TENM4: variants seen among roughly 807,000 people sequenced by gnomAD.
TENM4 encodes the protein teneurin-4.
TENM4 carries 82 observed loss-of-function variants against 243.3 expected under a neutral mutation model. The observed-to-expected ratio is 0.34, with a 90% CI of 0.28 to 0.40. The LOEUF (loss-of-function observed/expected upper bound fraction) is 0.40, where lower values mean the gene tolerates loss of function less well. TENM4 is among the 10% of genes least tolerant of loss of function. The pLI is 1.00. For synonymous variants in TENM4, 1,412 were observed against 1,456.3 expected, an observed-to-expected ratio of 0.97 and a Z score of 0.69; for missense variants, 3,138 against 3,673.3, an observed-to-expected ratio of 0.85 and a Z score of 3.77.
chr11:79,009,735 T>A (rs1858593186), intron 6 of TENM4, among the ~76,000 whole-genome samples: 1 of 152,074 alleles, frequency 6.6e-6, no homozygotes, highest in South Asian at 2.1e-4. Context: ...TTGGGGAAAG[T>A]TAGTGGCAGG....
chr11:78,677,249 C>CTTTTT (rs67423363), intron 29 of TENM4, among the ~76,000 whole-genome samples: 1 of 137,110 alleles, frequency 7.3e-6, no homozygotes, highest in Non-Finnish European at 1.5e-5. Flanking sequence ...AAGGGTTGAA[C>CTTTTT]TTTTTTTTTT....
chr11:79,255,045 T>A (rs1050271701), intron 2 of TENM4, among the ~76,000 whole-genome samples: 1 of 152,106 alleles, frequency 6.6e-6, no homozygotes, highest in African/African-American at 2.4e-5. Flanking sequence ...AGGGTCCCAC[T>A]GGGCTTGTGG....
chr11:79,315,419 C>T (rs549436525), intron 1 of TENM4, among the ~76,000 whole-genome samples: 64 of 152,354 alleles, frequency 4.2e-4, no homozygotes, highest in African/African-American at 1.5e-3. Flanking sequence ...TTTGCTTCCT[C>T]ATCAACTGTT....
chr11:79,315,323 T>TTCACCGCTCAAGACCAGAAGG (rs1254318392), intron 1 of TENM4, among the ~76,000 whole-genome samples: 1 of 152,046 alleles, frequency 6.6e-6, no homozygotes, highest in African/African-American at 2.4e-5. Context: ...CTCCCAGAGG[T>TTCACCGCTCAAGACCAGAAGG]TCACCGCTCA....
intron 1 of TENM4, among the ~76,000 whole-genome samples, chr11:79,322,861 T>C (rs1856914257): frequency 6.6e-6 from 1 of 152,220 alleles, no homozygotes; most frequent in Non-Finnish European, 1.5e-5. Flanking sequence ...AGATACAATT[T>C]CTCTTGAGAA....
At chr11:79,260,572 A>G (rs1453205269) in intron 2 of TENM4, among the ~76,000 whole-genome samples, 2 of 152,208 alleles carry the variant, frequency 1.3e-5, no homozygotes, top group Non-Finnish European at 2.9e-5. Flanking sequence ...TTTTCTGACC[A>G]GAGAACTCTT....
chr11:78,765,719 C>A (rs529669821), intron 18 of TENM4, among the ~76,000 whole-genome samples: 1 of 152,154 alleles, frequency 6.6e-6, no homozygotes, highest in Non-Finnish European at 1.5e-5. Flanking sequence ...GTTCTCTGAG[C>A]CTTAGTTTCC....
chr11:79,219,968 C>G (rs934529274), intron 2 of TENM4, among the ~76,000 whole-genome samples: 5 of 152,246 alleles, frequency 3.3e-5, no homozygotes, highest in Non-Finnish European at 5.9e-5. Context: ...CCACCCTCCT[C>G]TCTGGCAAGG....
At chr11:78,885,956 G>A (rs1387533026) in intron 9 of TENM4, among the ~76,000 whole-genome samples, 1 of 152,080 alleles carries the variant, frequency 6.6e-6, no homozygotes, top group Non-Finnish European at 1.5e-5. Flanking sequence ...CAAACTAAAT[G>A]TCAAATGAAT....
rs187652342 is a variant in TENM4 at position 78,770,163 on chromosome 11, G to A, written c.2539+829C>T. 6.0e-4 allele frequency among the ~76,000 whole-genome samples: 92 copies of A among 152,302 alleles called. 1 individual carries two copies. The highest frequency in any genetic ancestry group is 2.1e-3 in the African/African-American group (88 of 41,556). The stretch of plus-strand genomic sequence containing the variant: ...ATTCTCCTAATAACCACCTGTGAGT[G>A]GGAGAATCAGGAAGGATTGATGTAT... On this transcript the variant is annotated intron_variant, in intron 18 of 33. Coordinates refer to ENST00000278550, the MANE Select transcript of TENM4 (RefSeq NM_001098816.3).
intron 25 of TENM4, among the ~76,000 whole-genome samples, chr11:78,716,277 T>C (rs10793345): frequency 0.25 from 37,839 of 152,080 alleles, 5,305 homozygotes; most frequent in African/African-American, 0.38. Flanking sequence ...AGGTTCAGCT[T>C]ATCTGTAATC....
At chr11:78,705,577 A>G (rs899617370) in intron 27 of TENM4, among the ~76,000 whole-genome samples, 5 of 152,224 alleles carry the variant, frequency 3.3e-5, no homozygotes, top group Non-Finnish European at 5.9e-5. Context: ...CCCACGTTCT[A>G]TGGTTCCAGT....
chr11:79,367,239 G>A (rs539773661), intron 1 of TENM4, among the ~76,000 whole-genome samples: 40 of 152,310 alleles, frequency 2.6e-4, no homozygotes, highest in African/African-American at 9.4e-4. Flanking sequence ...CACCTACAAA[G>A]GTAAACCTAC....
chr11:78,692,631 T>G (rs1028216238), intron 28 of TENM4, among the ~76,000 whole-genome samples: 1 of 152,176 alleles, frequency 6.6e-6, no homozygotes, highest in Non-Finnish European at 1.5e-5. Flanking sequence ...GCATATAGCA[T>G]GTGCTTCCTC....
Position 78,856,192 on chromosome 11 carries a change from G to A in TENM4, c.1256-14C>T. 1 of 1,548,928 alleles carries A rather than the reference G, an allele frequency of 6.5e-7. No individual in the cohort carries two copies. The highest frequency in any genetic ancestry group is 1.4e-5 in the African/African-American group (1 of 73,046). On this transcript the variant is annotated splice_polypyrimidine_tract_variant and intron_variant, in intron 10 of 33. Coordinates refer to ENST00000278550, the MANE Select transcript of TENM4 (RefSeq NM_001098816.3). ...TACTGGGCTTTCCTACCAAGATAGA[G>A]GGAAGGGAAGACAAAGACATCTCGG...
intron 5 of TENM4, among the ~76,000 whole-genome samples, chr11:79,066,741 TGCACACACGCACGCACAAGCAC>T (rs1348525047): frequency 1.6e-5 from 1 of 64,262 alleles, no homozygotes; most frequent in Non-Finnish European, 3.4e-5. Flanking sequence ...CGCACGCACA[TGCACACACGCACGCACAAGCAC>T]GCACACACAC....
Position 78,672,300 on chromosome 11 carries a change from G to A in TENM4, c.5526C>T (p.Asp1842=). Reference sequence around the variant, plus strand: ...TCTCTGTGCGTGTTACGCGATCAAAGTCCAGAGATAGGAGATTTCGGTTGT... The same window carrying A: ...TCTCTGTGCGTGTTACGCGATCAAAATCCAGAGATAGGAGATTTCGGTTGT... ...RVHNRNLLSL[D]FDRVTRTEKI... is the part of the protein sequence containing the mutation. Residue 1842 remains aspartate, a synonymous_variant, in exon 31 of 34, where the codon GAC becomes GAT. Coordinates refer to ENST00000278550, the MANE Select transcript of TENM4 (RefSeq NM_001098816.3). 2 of 1,611,526 alleles carry A rather than the reference G, an allele frequency of 1.2e-6. No individual in the cohort carries two copies. Among genetic ancestry groups the A allele is most frequent in the Non-Finnish European group, 1.7e-6 (2 of 1,177,736 alleles).
intron 1 of TENM4, among the ~76,000 whole-genome samples, chr11:79,415,395 C>T (rs994410898): frequency 1.3e-5 from 2 of 152,166 alleles, no homozygotes; most frequent in African/African-American, 4.8e-5. Flanking sequence ...AAGTATTCCG[C>T]ATACCTGAAA....
intron 16 of TENM4, among the ~76,000 whole-genome samples, chr11:78,779,423 T>C (rs532161938): frequency 4.5e-4 from 68 of 152,308 alleles, no homozygotes; most frequent in Non-Finnish European, 5.4e-4. Context: ...ATGGAGGGGT[T>C]GTATCCAAGC....
Sources: allele counts gnomAD v4.1 joint callset (sites outside exome capture counted in the v4.1 genomes callset), GRCh38; gene constraint gnomAD v4.1.1; transcripts MANE v1.5; gene names NCBI Gene and HGNC (gene_info 2026-07-23, HGNC 2026-07-21).